The following OAS2 variants were observed in gnomAD, a reference collection of about 807,000 sequenced individuals.
OAS2 encodes 2'-5'-oligoadenylate synthetase 2.
OAS2 carries 67 observed loss-of-function variants against 71.3 expected under a neutral mutation model. That is an observed-to-expected ratio of 0.94 (90% confidence interval 0.77 to 1.15). The LOEUF (loss-of-function observed/expected upper bound fraction) is 1.15, where lower values mean the gene tolerates loss of function less well. OAS2 is among the 50% of genes most tolerant of loss of function. The pLI is 0.00. For synonymous variants in OAS2, 327 were observed against 321.8 expected, an observed-to-expected ratio of 1.02 and a Z score of -0.17; for missense variants, 789 against 822.5, an observed-to-expected ratio of 0.96 and a Z score of 0.50.
chr12:113,006,614 T>A lies in OAS2; in HGVS notation c.1656+14T>A, dbSNP rs768272006. 5.8e-6 allele frequency: 9 copies of A among 1,543,012 alleles called. No individual in the cohort carries two copies. Among genetic ancestry groups the A allele is most frequent in the African/African-American group, 1.4e-5 (1 of 73,514 alleles). ...TGGTACAAAGAGGTAAGGACAGTCT[T>A]TGTTCTGACCATGGGGTTATTATTT... On this transcript the variant is annotated intron_variant, in intron 8 of 9. Transcript: ENST00000392583.
intron 2 of OAS2, among the ~76,000 whole-genome samples, chr12:112,993,711 TCC>T (rs2044211098): frequency 1.3e-5 from 2 of 150,450 alleles, no homozygotes; most frequent in African/African-American, 2.4e-5. Flanking sequence ...TTTTTTTTTC[TCC>T]AAAAAAAAAG....
At position 112,998,405 on chromosome 12, in the gene OAS2, G is replaced by T; in HGVS notation, c.1003G>T (p.Val335Phe). 1 of 1,609,372 alleles carries T rather than the reference G, an allele frequency of 6.2e-7. No individual in the cohort carries two copies. Among genetic ancestry groups the T allele is most frequent in the Non-Finnish European group, 8.5e-7 (1 of 1,178,744 alleles). Reference sequence around the variant, plus strand: ...TGAGTTACCTGCACCATCTTGGAATGTTCTGGTAAGAGGGTTTTCCAAATA... The same window carrying T: ...TGAGTTACCTGCACCATCTTGGAATTTTCTGGTAAGAGGGTTTTCCAAATA... ...DNELPAPSWN[V>F]LPAPLFTTPG... The change falls in exon 5 of 10, where the codon GTT (valine) becomes TTT (phenylalanine). Residue 335 changes from valine to phenylalanine, a missense_variant. By Grantham distance (50) the Val-to-Phe change is conservative. Transcript: ENST00000392583.
intron 2 of OAS2, chr12:112,987,985 G>T (rs2044155892): frequency 3.0e-6 from 3 of 985,298 alleles, no homozygotes; most frequent in African/African-American, 3.5e-5. Flanking sequence ...AAGATGGCTA[G>T]AGTGACTCCA....
chr12:113,006,378 A>T (rs763199827), intron 7 of OAS2, 35 bp from the exon 8 acceptor site: 2 of 1,496,340 alleles, frequency 1.3e-6, no homozygotes, highest in East Asian at 4.6e-5. Context: ...TACTATGTGT[A>T]TTAAAGCAGG....
Position 112,978,810 on chromosome 12 carries a change from C to G in OAS2, c.177+25C>G. ...AGTGAGTCCAGGGCTGAGGTTGGGT[C>G]TCTGGGAGGCAGGAGATTCCACGGC... On this transcript the variant is annotated intron_variant, in intron 1 of 9. Transcript: ENST00000392583. This position sits in a 1 kb window ranked among gnomAD's most constrained non-coding sequence, Gnocchi z 4.2. 6.3e-7 allele frequency: 1 copy of G among 1,584,086 alleles called. No homozygotes were observed. The highest frequency in any genetic ancestry group is 8.6e-7 in the Non-Finnish European group (1 of 1,162,514).
At position 112,993,851 on chromosome 12, in the gene OAS2, C is replaced by T. The variant is rs535695130; in HGVS notation, c.449-1445C>T. 4.5e-4 allele frequency among the ~76,000 whole-genome samples: 69 copies of T among 152,142 alleles called. No individual in the cohort carries two copies. The Middle Eastern group carries it at 0.027, about 60-fold the overall frequency. On this transcript the variant is annotated intron_variant, in intron 2 of 9. Coordinates refer to ENST00000392583, the MANE Select transcript of OAS2 (RefSeq NM_002535.3). ...TTGTGCCATTGCAGTCCAGCCTGAG[C>T]GACAGAGAAGACTCTGTCTCTAAAA...
chr12:112,997,279 T>A (rs2044241751), intron 3 of OAS2, among the ~76,000 whole-genome samples: 1 of 152,170 alleles, frequency 6.6e-6, no homozygotes, highest in Non-Finnish European at 1.5e-5. Context: ...CAGATTTTCC[T>A]TTATTTTCAT....
In OAS2 at chr12:113,009,679, G is replaced by C. The variant is rs2044363510; in HGVS notation, c.*424G>C. 1 of 989,772 alleles carries C rather than the reference G, an allele frequency of 1.0e-6. No individual in the cohort carries two copies. Among genetic ancestry groups the C allele is most frequent in the South Asian group, 4.7e-5 (1 of 21,422 alleles). The allele number at this position is 989,772 out of a possible 1,614,324, so 61.3% of individuals were successfully genotyped here. On this transcript the variant is annotated 3_prime_UTR_variant, in exon 10 of 10. Transcript: ENST00000392583. ...GCAATCCAAGCAGGAAGAAGGAAAA[G>C]ATACCCAAAGGTCAAGAACACAGTG...
intron 1 of OAS2, among the ~76,000 whole-genome samples, chr12:112,985,198 TA>T (rs200165453): frequency 0.014 from 2,108 of 152,012 alleles, 54 homozygotes; most frequent in African/African-American, 0.048. Flanking sequence ...AAATCTCTTG[TA>T]AGACATGGGA....
At chr12:112,979,726 A>C (rs2044062332) in intron 1 of OAS2, among the ~76,000 whole-genome samples, 1 of 152,144 alleles carries the variant, frequency 6.6e-6, no homozygotes, top group African/African-American at 2.4e-5. Context: ...CAGATCCAGA[A>C]ACAAAACATT....
At chr12:112,989,135 T>C (rs1158588961) in intron 2 of OAS2, among the ~76,000 whole-genome samples, 5 of 152,170 alleles carry the variant, frequency 3.3e-5, no homozygotes, top group Non-Finnish European at 5.9e-5. Flanking sequence ...TGGGAGGTAA[T>C]TGAATCATGG....
intron 7 of OAS2, among the ~76,000 whole-genome samples, chr12:113,005,903 AAAC>A (rs576604857): frequency 4.3e-5 from 2 of 46,628 alleles, no homozygotes; most frequent in Non-Finnish European, 6.8e-5. Flanking sequence ...AAAAAGCAAA[AAAC>A]AACAACAACA....
chr12:113,008,950 T>C lies in OAS2; in HGVS notation c.1896-137T>C, dbSNP rs2044357205. 2.1e-6 allele frequency: 3 copies of C among 1,426,460 alleles called. No individual in the cohort carries two copies. In the Admixed American group the frequency reaches 7.4e-5, roughly 35 times the overall value. 88.4% of individuals were successfully genotyped at this position (1,426,460 alleles called of 1,614,324 possible). On this transcript the variant is annotated intron_variant, in intron 9 of 9. Transcript: ENST00000392583. ...GCCTCTAGAAAGTTACTTTGAACCC[T>C]ACTAGTAAATTTGAGTTGCTGACAT...
At chr12:112,991,663 A>G (rs757401) in intron 2 of OAS2, among the ~76,000 whole-genome samples, 117,905 of 152,216 alleles carry the variant, frequency 0.77, 46,406 homozygotes, top group East Asian at 1. Context: ...AATCAAATAC[A>G]CATTTATCTC....
chr12:112,996,796 A>T (rs556214172), intron 3 of OAS2, among the ~76,000 whole-genome samples: 1 of 152,294 alleles, frequency 6.6e-6, no homozygotes, highest in South Asian at 2.1e-4. Flanking sequence ...CGCTGGTCAC[A>T]GGATTCAAAG....
Position 112,992,286 on chromosome 12 carries a change from G to C in OAS2, c.449-3010G>C, listed in dbSNP as rs547689825. Among the ~76,000 whole-genome samples, 4 of 152,132 alleles carry C rather than the reference G, an allele frequency of 2.6e-5. No individual in the cohort carries two copies. The East Asian group carries it at 7.7e-4, about 29-fold the overall frequency. On this transcript the variant is annotated intron_variant, in intron 2 of 9. Transcript: ENST00000392583. ...TGCAGCTGTATTCCTAACTACTGGGGAGACTGAGGCAGGAGGATCACTTGA... is the reference window on the plus strand; with the variant it reads ...TGCAGCTGTATTCCTAACTACTGGGCAGACTGAGGCAGGAGGATCACTTGA...
At chr12:112,984,972 A>G (rs1396508532) in intron 1 of OAS2, among the ~76,000 whole-genome samples, 1 of 152,036 alleles carries the variant, frequency 6.6e-6, no homozygotes, top group Non-Finnish European at 1.5e-5. Context: ...TGAGCATATC[A>G]TCCTATTCTC....
chr12:113,002,483 G>C (rs2044298292), intron 5 of OAS2, among the ~76,000 whole-genome samples: 1 of 152,210 alleles, frequency 6.6e-6, no homozygotes, highest in Non-Finnish European at 1.5e-5. Context: ...TTTAACGCAG[G>C]CTGATACAAC....
chr12:112,996,152 A>G (rs2044230632), intron 3 of OAS2, among the ~76,000 whole-genome samples: 1 of 152,180 alleles, frequency 6.6e-6, no homozygotes, highest in Non-Finnish European at 1.5e-5. Context: ...TATTAATGTA[A>G]CACACATTTA....
Sources: allele counts gnomAD v4.1 joint callset (sites outside exome capture counted in the v4.1 genomes callset), GRCh38; gene constraint gnomAD v4.1.1; non-coding constraint Gnocchi (gnomAD v3.1); transcripts MANE v1.5; gene names NCBI Gene and HGNC (gene_info 2026-07-23, HGNC 2026-07-21).